PCDHA1: variants seen among roughly 807,000 people sequenced by gnomAD.
The protein encoded by PCDHA1 is protocadherin alpha-1.
In PCDHA1, 42 loss-of-function variants were observed where a neutral mutation model predicts 61.3. That is an observed-to-expected ratio of 0.69 (90% CI 0.54 to 0.89). The LOEUF (loss-of-function observed/expected upper bound fraction) is 0.89, where lower values mean the gene tolerates loss of function less well. Among genes scored for constraint, PCDHA1 ranks in the 40% least tolerant of loss-of-function variants. PCDHA1 has a pLI of 0.00. For synonymous variants in PCDHA1, 610 were observed against 553.8 expected, an observed-to-expected ratio of 1.10 and a Z score of -1.43; for missense variants, 1,256 against 1,235.3, an observed-to-expected ratio of 1.02 and a Z score of -0.25.
Position 140,856,045 on chromosome 5 carries a change from T to C in PCDHA1, c.2394+67361T>C, listed in dbSNP as rs1554148107. 3 of 1,581,954 alleles carry C rather than the reference T, an allele frequency of 1.9e-6. 1 individual carries two copies. In the African/African-American group the frequency reaches 4.1e-5, roughly 21 times the overall value. ...GTCGATTTGTAAAACAAGAGAAGGATAAGATGGTTTCCAGATGTAGCTGCC... is the reference window on the plus strand; with the variant it reads ...GTCGATTTGTAAAACAAGAGAAGGACAAGATGGTTTCCAGATGTAGCTGCC... On this transcript the variant is annotated intron_variant, in intron 1 of 3. Coordinates refer to ENST00000504120, the MANE Select transcript of PCDHA1 (RefSeq NM_018900.4).
In PCDHA1 at chr5:140,882,320, C is replaced by T. The variant is rs374687530; in HGVS notation, c.2394+93636C>T. The T allele has an allele frequency of 2.8e-5, 45 of 1,614,182 alleles. No homozygotes were observed. The African/African-American group carries it at 5.6e-4, about 20-fold the overall frequency. On this transcript the variant is annotated intron_variant, in intron 1 of 3. Coordinates refer to ENST00000504120, the MANE Select transcript of PCDHA1 (RefSeq NM_018900.4). ...AAGACCGCGGCAACTACTGCTCTGG[C>T]TTCTGATCCTCGCAGCCTGGGAGAC... is the stretch of plus-strand genomic sequence containing the variant.
At chr5:140,959,038 A>G (rs1389837259) in intron 1 of PCDHA1, among the ~76,000 whole-genome samples, 2 of 151,994 alleles carry the variant, frequency 1.3e-5, no homozygotes, top group African/African-American at 4.8e-5. Flanking sequence ...ATGGGTATGT[A>G]TGTATAGGAA....
intron 1 of PCDHA1, among the ~76,000 whole-genome samples, chr5:140,962,286 T>C (rs1209495659): frequency 1.3e-5 from 2 of 152,224 alleles, no homozygotes; most frequent in Admixed American, 6.5e-5. Context: ...CCTCAACCTT[T>C]AATATTCTAT....
intron 1 of PCDHA1, chr5:140,803,554 A>G: frequency 1.2e-6 from 2 of 1,614,202 alleles, no homozygotes; most frequent in South Asian, 1.1e-5. Context: ...CGGGATAGAG[A>G]GGAGAAACAG....
intron 1 of PCDHA1, among the ~76,000 whole-genome samples, chr5:140,917,163 G>C (rs948639951): frequency 6.6e-6 from 1 of 152,182 alleles, no homozygotes; most frequent in Non-Finnish European, 1.5e-5. Flanking sequence ...ATATGGGAGG[G>C]GTGATGGTGG....
At chr5:140,857,184 G>C in intron 1 of PCDHA1, 1 of 1,598,552 alleles carries the variant, frequency 6.3e-7, no homozygotes. Flanking sequence ...CATGATTCAG[G>C]AGCCAACGGA....
At chr5:140,867,536 A>T (rs1177306827) in intron 1 of PCDHA1, 3 of 152,126 alleles carry the variant, frequency 2.0e-5, no homozygotes, top group African/African-American at 7.2e-5. Flanking sequence ...ATATATATAA[A>T]ATATTAGCAT....
chr5:140,852,151 C>T, intron 1 of PCDHA1: 1 of 861,106 alleles, frequency 1.2e-6, no homozygotes, highest in Non-Finnish European at 1.4e-6. Context: ...ATCAGAATGG[C>T]CTTGAGAATA....
At chr5:140,897,008 T>C (rs1215081415) in intron 1 of PCDHA1, among the ~76,000 whole-genome samples, 13 of 152,154 alleles carry the variant, frequency 8.5e-5, no homozygotes, top group Admixed American at 1.3e-4. Flanking sequence ...TATTTTTAAA[T>C]ATACAACTAA....
In PCDHA1 at chr5:140,836,728, C is replaced by G. The variant is rs1286648701; in HGVS notation, c.2394+48044C>G. The stretch of plus-strand genomic sequence containing the variant: ...CCCAGCCTTCCTCAGGGTCCATCCT[C>G]TACAGACAATGTGAGTCATAAATAA... On this transcript the variant is annotated intron_variant, in intron 1 of 3. Transcript: ENST00000504120. 5 of 1,610,268 alleles carry G rather than the reference C, an allele frequency of 3.1e-6. No individual in the cohort carries two copies. The African/African-American group carries it at 5.4e-5, about 17-fold the overall frequency.
chr5:140,946,613 T>A (rs1300820927), intron 1 of PCDHA1, among the ~76,000 whole-genome samples: 1 of 116,702 alleles, frequency 8.6e-6, no homozygotes, highest in South Asian at 2.6e-4. Context: ...AAATGTGAAA[T>A]ATATATATAT....
chr5:140,883,712 G>A lies in PCDHA1; in HGVS notation c.2394+95028G>A, dbSNP rs372048294. On this transcript the variant is annotated intron_variant, in intron 1 of 3. Transcript: ENST00000504120. ...CATCTTCACGGTGTCTGCTCAGGAC[G>A]CGGACGCACAGGAGAACGCGCTGGT... 1.6e-5 allele frequency: 26 copies of A among 1,613,658 alleles called. No homozygotes were observed. The highest frequency in any genetic ancestry group is 2.2e-5 in the East Asian group (1 of 44,880).
At position 140,857,274 on chromosome 5, in the gene PCDHA1, AC is replaced by A. The variant is rs782434085; in HGVS notation, c.2394+68591del. 196 of 1,598,554 alleles carry A rather than the reference AC, an allele frequency of 1.2e-4. 15 individuals are homozygous for A. The highest frequency in any genetic ancestry group is 3.4e-5 in the Admixed American group (2 of 59,316). On this transcript the variant is annotated intron_variant, in intron 1 of 3. Transcript: ENST00000504120. ...AAGAATTACTACTCATTGGTGCTGG[AC>A]AGCGCTCTGGACCGCGAGAGGGTGT...
At chr5:140,824,339 T>C in intron 1 of PCDHA1, 1 of 614,882 alleles carries the variant, frequency 1.6e-6, no homozygotes, top group Non-Finnish European at 2.8e-6. Context: ...ATTAAGTGTT[T>C]TTAAAATAAT....
At chr5:140,878,689 AT>A (rs1582445250) in intron 1 of PCDHA1, among the ~76,000 whole-genome samples, 1 of 152,246 alleles carries the variant, frequency 6.6e-6, no homozygotes, top group Admixed American at 6.5e-5. Flanking sequence ...AAAGTCTTAC[AT>A]ACCCCAGCCT....
intron 1 of PCDHA1, among the ~76,000 whole-genome samples, chr5:140,886,110 G>A (rs1332872994): frequency 6.6e-6 from 1 of 152,164 alleles, no homozygotes; most frequent in Non-Finnish European, 1.5e-5. Context: ...CAGTAAAGAA[G>A]TAACATAGTT....
chr5:140,821,626 A>G, intron 1 of PCDHA1: 2 of 917,604 alleles, frequency 2.2e-6, no homozygotes, highest in Non-Finnish European at 3.2e-6. Context: ...TTTTCCTTAG[A>G]CAGAAAGGAA....
chr5:140,794,752 A>T, intron 1 of PCDHA1: 1 of 543,086 alleles, frequency 1.8e-6, no homozygotes, highest in African/African-American at 1.9e-5. Context: ...CTAGTTTTAA[A>T]TCTACAGAAT....
chr5:140,829,991 A>G, intron 1 of PCDHA1: 2 of 1,613,756 alleles, frequency 1.2e-6, no homozygotes, highest in Non-Finnish European at 1.7e-6. Context: ...GATCAGCACC[A>G]CTCGTGTCCT....
Sources: gnomAD v4.1 joint callset for allele counts (sites outside exome capture counted in the v4.1 genomes callset) on GRCh38, gnomAD v4.1.1 for gene constraint, MANE v1.5 for transcripts, NCBI Gene and HGNC (gene_info 2026-07-23, HGNC 2026-07-21) for gene names.